Variants in NRCAM observed in about 807,000 individuals in gnomAD.
NRCAM encodes the protein NgCAM-related cell adhesion molecule.
Under a neutral mutation model 156.5 loss-of-function variants are expected in NRCAM, and 83 were observed. The ratio of observed to expected loss-of-function variants is 0.53; its 90% CI spans 0.44 to 0.64. NRCAM has a LOEUF of 0.64. Among genes scored for constraint, NRCAM ranks in the 30% least tolerant of loss-of-function variants. The probability of loss-of-function intolerance (pLI) is 0.00; values close to 1 mark genes in which losing one functional copy is unlikely to be tolerated. For synonymous variants in NRCAM, 538 were observed against 563.9 expected (o/e 0.95, Z 0.65); for missense variants, 1,417 against 1,597.3 (o/e 0.89, Z 1.92).
intron 2 of NRCAM, among the ~76,000 whole-genome samples, chr7:108,346,842 G>A (rs1052303947): frequency 2.0e-5 from 3 of 151,982 alleles, no homozygotes; most frequent in African/African-American, 7.3e-5. Flanking sequence ...GGATTTTGAA[G>A]ATTTAGTAGG....
intron 11 of NRCAM, 61 bp downstream of exon 11, chr7:108,223,664 C>G: frequency 1.2e-6 from 1 of 830,274 alleles, no homozygotes. Flanking sequence ...ATTAACCTCT[C>G]TCTACCAACC....
intron 1 of NRCAM, among the ~76,000 whole-genome samples, chr7:108,415,888 A>T (rs1349244513): frequency 2.0e-5 from 3 of 152,204 alleles, no homozygotes; most frequent in Admixed American, 1.3e-4. Context: ...CTCTCAAAAA[A>T]CAAACAAAAA....
intron 3 of NRCAM, among the ~76,000 whole-genome samples, chr7:108,271,104 C>A (rs1455182315): frequency 6.6e-6 from 1 of 152,158 alleles, no homozygotes; most frequent in Admixed American, 6.5e-5. Flanking sequence ...GAGAGCTATA[C>A]TTAAAAATGG....
At chr7:108,255,995 G>T (rs1163893810) in intron 3 of NRCAM, among the ~76,000 whole-genome samples, 14 of 145,362 alleles carry the variant, frequency 9.6e-5, no homozygotes, top group Admixed American at 2.7e-4. Flanking sequence ...TGCCCCGTCC[G>T]GGAGGGAGGT....
chr7:108,308,995 C>G (rs149954900), intron 3 of NRCAM, among the ~76,000 whole-genome samples: 1 of 152,318 alleles, frequency 6.6e-6, no homozygotes, highest in East Asian at 1.9e-4. Context: ...CATCTGACCC[C>G]AGGACAGAGA....
chr7:108,359,108 T>C (rs2099530395), intron 2 of NRCAM, among the ~76,000 whole-genome samples: 1 of 152,206 alleles, frequency 6.6e-6, no homozygotes, highest in Non-Finnish European at 1.5e-5. Context: ...AATGGCTTTC[T>C]TTTACCAATA....
intron 11 of NRCAM, among the ~76,000 whole-genome samples, chr7:108,218,179 G>GT (rs1452823168): frequency 1.3e-5 from 2 of 151,788 alleles, no homozygotes; most frequent in Admixed American, 1.3e-4. Context: ...TGGCTGGGGG[G>GT]GGGGGGGAGT....
At chr7:108,183,046 T>A in intron 22 of NRCAM, 126 bp from the exon 23 acceptor site, 2 of 767,604 alleles carry the variant, frequency 2.6e-6, no homozygotes, top group Non-Finnish European at 4.3e-6. Context: ...CACAAGCTAT[T>A]AACCATTTTC....
At position 108,416,643 on chromosome 7, in the gene NRCAM, GT is replaced by G. The variant is rs375956614; in HGVS notation, c.-331-17051del. Reference sequence around the variant, plus strand: ...CTAATACCCCCAAGGAAAAACTTGGGTTTTTATAGTATGCTTTTCAAGATTT... The same window carrying G: ...CTAATACCCCCAAGGAAAAACTTGGGTTTTATAGTATGCTTTTCAAGATTT... On this transcript the variant is annotated intron_variant, in intron 1 of 32. Transcript: ENST00000379028. Among the ~76,000 whole-genome samples the G allele has an allele frequency of 2.8e-4, 42 of 152,230 alleles. No individual in the cohort carries two copies. In the East Asian group the frequency reaches 7.5e-3, roughly 27 times the overall value.
intron 1 of NRCAM, among the ~76,000 whole-genome samples, chr7:108,426,245 C>A (rs967964446): frequency 5.3e-5 from 8 of 152,212 alleles, no homozygotes; most frequent in Non-Finnish European, 1.2e-4. Flanking sequence ...ATATTATAGT[C>A]TCTTATAAAT....
chr7:108,388,016 CAT>C (rs1194737745), intron 2 of NRCAM, among the ~76,000 whole-genome samples: 1 of 152,154 alleles, frequency 6.6e-6, no homozygotes, highest in Non-Finnish European at 1.5e-5. Context: ...CTGCAATAAA[CAT>C]ATGTGTGCAT....
At chr7:108,270,393 T>C (rs1241208081) in intron 3 of NRCAM, among the ~76,000 whole-genome samples, 1 of 152,204 alleles carries the variant, frequency 6.6e-6, no homozygotes, top group Non-Finnish European at 1.5e-5. Context: ...AATTCATTCA[T>C]TTAATAATTC....
intron 3 of NRCAM, among the ~76,000 whole-genome samples, chr7:108,257,004 C>CG (rs2096699422): frequency 1.3e-5 from 1 of 79,826 alleles, no homozygotes; most frequent in African/African-American, 4.8e-5. Context: ...GGAAGACTGT[C>CG]GAAAAAAAAA....
At chr7:108,214,329 G>C (rs765874379) in intron 11 of NRCAM, among the ~76,000 whole-genome samples, 2 of 152,146 alleles carry the variant, frequency 1.3e-5, no homozygotes, top group Non-Finnish European at 1.5e-5. Context: ...TCTTGGGAGG[G>C]TGAATGTGTC....
chr7:108,363,063 A>G (rs530420610), intron 2 of NRCAM, among the ~76,000 whole-genome samples: 10 of 152,216 alleles, frequency 6.6e-5, no homozygotes, highest in Non-Finnish European at 1.5e-4. Context: ...ATGGGAGCCA[A>G]TTGAAAGAGC....
chr7:108,177,979 C>T lies in NRCAM; in HGVS notation c.2974+11G>A. 1 of 1,590,576 alleles carries T rather than the reference C, an allele frequency of 6.3e-7. No individual in the cohort carries two copies. Among genetic ancestry groups the T allele is most frequent in the Non-Finnish European group, 8.5e-7 (1 of 1,169,942 alleles). ...AACATATTTCCCCTTCTCTTCCTCC[C>T]AACAGCTTACTTGGCTGATACTTTA... On this transcript the variant is annotated intron_variant, in intron 26 of 32. Coordinates refer to ENST00000379028, the MANE Select transcript of NRCAM (RefSeq NM_001037132.4).
intron 1 of NRCAM, among the ~76,000 whole-genome samples, chr7:108,452,844 T>A (rs1215195436): frequency 6.6e-6 from 1 of 152,004 alleles, no homozygotes. Flanking sequence ...TGCTGATCTA[T>A]GGTGAGAATA....
intron 3 of NRCAM, among the ~76,000 whole-genome samples, chr7:108,291,044 C>T (rs1190354917): frequency 2.0e-5 from 3 of 152,322 alleles, no homozygotes; most frequent in East Asian, 3.9e-4. Flanking sequence ...GGATTAGTCA[C>T]ATTTCCAATG....
chr7:108,310,406 T>C (rs2098786634), intron 3 of NRCAM, among the ~76,000 whole-genome samples: 1 of 152,164 alleles, frequency 6.6e-6, no homozygotes, highest in Non-Finnish European at 1.5e-5. Flanking sequence ...ATGTACACAT[T>C]AGGGTTAATG....
Sources: gnomAD v4.1 joint callset for allele counts (sites outside exome capture counted in the v4.1 genomes callset) on GRCh38, gnomAD v4.1.1 for gene constraint, MANE v1.5 for transcripts, NCBI Gene and HGNC (gene_info 2026-07-23, HGNC 2026-07-21) for gene names.